Variants in FSTL1 observed in about 807,000 individuals in gnomAD.
FSTL1 encodes follistatin-related protein 1.
In FSTL1, 24 loss-of-function variants were observed where a neutral mutation model predicts 45.9. That is an observed-to-expected ratio of 0.52 (90% CI 0.38 to 0.74). The LOEUF is 0.74. Ranked by LOEUF, FSTL1 falls within the 30% of genes least tolerant of loss-of-function variation. The pLI is 0.00. For synonymous variants in FSTL1, 120 were observed against 137.6 expected (o/e 0.87, Z 0.89); for missense variants, 340 against 381.8 (o/e 0.89, Z 0.91).
intron 2 of FSTL1, among the ~76,000 whole-genome samples, chr3:120,446,994 A>G (rs963054036): frequency 2.0e-5 from 3 of 152,176 alleles, no homozygotes; most frequent in Non-Finnish European, 4.4e-5. Context: ...CTAGACCTGG[A>G]ATGCTGGGAA....
At chr3:120,412,036 GACACACACACACAC>G in intron 3 of FSTL1, 53 bp from the exon 4 acceptor site, 1 of 1,425,880 alleles carries the variant, frequency 7.0e-7, no homozygotes, top group Admixed American at 1.8e-5. Context: ...TCGACACACA[GACACACACACACAC>G]ATACATGCAC....
rs371073536 is a variant in FSTL1, at chr3:120,409,234, C to T, written c.462+298G>A. Reference sequence around the variant, plus strand: ...CAGCCAGATCCATAAGGTGTCATGGCGAGTAGGGGACAGAGCTTGGCCCTA... The same window carrying T: ...CAGCCAGATCCATAAGGTGTCATGGTGAGTAGGGGACAGAGCTTGGCCCTA... On this transcript the variant is annotated intron_variant, in intron 6 of 10. Transcript: ENST00000295633. Among the ~76,000 whole-genome samples, 14 of 152,276 alleles carry T rather than the reference C, an allele frequency of 9.2e-5. No individual in the cohort carries two copies. In the South Asian group the frequency reaches 1.2e-3, roughly 14 times the overall value.
chr3:120,408,754 GT>G (rs1368566242), intron 6 of FSTL1, among the ~76,000 whole-genome samples: 4 of 152,112 alleles, frequency 2.6e-5, no homozygotes, highest in Non-Finnish European at 4.4e-5. Flanking sequence ...TGTCTGGCAT[GT>G]TTTGAGTTTA....
chr3:120,446,074 G>C (rs1468833724), intron 2 of FSTL1, among the ~76,000 whole-genome samples: 1 of 138,540 alleles, frequency 7.2e-6, no homozygotes, highest in African/African-American at 3.5e-5. Context: ...GTATCATTAA[G>C]CTAATAAAAT....
intron 2 of FSTL1, among the ~76,000 whole-genome samples, chr3:120,443,078 A>G (rs1196960448): frequency 6.7e-6 from 1 of 148,226 alleles, no homozygotes; most frequent in Non-Finnish European, 1.5e-5. Context: ...ATGTACCCTA[A>G]AACTTAAAGT....
At chr3:120,431,696 A>T (rs1468677626) in intron 2 of FSTL1, among the ~76,000 whole-genome samples, 1 of 152,218 alleles carries the variant, frequency 6.6e-6, no homozygotes, top group East Asian at 1.9e-4. Context: ...AAATAAAAAT[A>T]GTTCTGAGTT....
At chr3:120,449,852 C>A (rs370599687) in intron 2 of FSTL1, among the ~76,000 whole-genome samples, 14 of 152,246 alleles carry the variant, frequency 9.2e-5, no homozygotes, top group African/African-American at 3.4e-4. Flanking sequence ...ATATTTCCTG[C>A]CATAATTATC....
chr3:120,396,024 C>A lies in FSTL1; in HGVS notation c.*928G>T. 7.9e-6 allele frequency: 2 copies of A among 252,312 alleles called. No homozygotes were observed. Among genetic ancestry groups the A allele is most frequent in the South Asian group, 4.6e-5 (1 of 21,706 alleles). The allele number at this position is 252,312 out of a possible 1,614,324, so 15.6% of individuals were successfully genotyped here. A position where few individuals can be genotyped will look rare whatever the true frequency, so the allele number is the denominator to read the frequency against. On this transcript the variant is annotated 3_prime_UTR_variant, in exon 11 of 11. Coordinates refer to ENST00000295633, the MANE Select transcript of FSTL1 (RefSeq NM_007085.5). Reference sequence around the variant, plus strand: ...CTTCCCCTGGCTTCGGTCTAAGGCACCCTTGCTCCTCTGGCAGATAGTGGA... The same window carrying A: ...CTTCCCCTGGCTTCGGTCTAAGGCAACCTTGCTCCTCTGGCAGATAGTGGA...
chr3:120,431,282 C>A (rs888187849), intron 2 of FSTL1, among the ~76,000 whole-genome samples: 2 of 151,996 alleles, frequency 1.3e-5, no homozygotes, highest in Non-Finnish European at 1.5e-5. Flanking sequence ...CTGGAAGGTA[C>A]CTTTTAAAAA....
chr3:120,447,997 A>C (rs1031456812), intron 2 of FSTL1, among the ~76,000 whole-genome samples: 4 of 152,202 alleles, frequency 2.6e-5, no homozygotes, highest in African/African-American at 7.2e-5. Flanking sequence ...ACCAAATGGG[A>C]TTGACATAGA....
intron 2 of FSTL1, among the ~76,000 whole-genome samples, chr3:120,417,855 T>C (rs1937213952): frequency 6.6e-6 from 1 of 152,200 alleles, no homozygotes; most frequent in South Asian, 2.1e-4. Context: ...CCTTAACTAG[T>C]AATTTTCATT....
At chr3:120,403,096 TG>T in intron 8 of FSTL1, 145 bp downstream of exon 8, 2 of 698,016 alleles carry the variant, frequency 2.9e-6, no homozygotes, top group African/African-American at 1.8e-5. Flanking sequence ...AACTTCACCA[TG>T]GGGAGAATGG....
rs1016497621 is a variant in FSTL1, at chr3:120,403,818, G to C, written c.582-464C>G. Among the ~76,000 whole-genome samples, 6 of 144,910 alleles carry C rather than the reference G, an allele frequency of 4.1e-5. No homozygotes were observed. The Admixed American group carries it at 4.3e-4, about 10-fold the overall frequency. Reference sequence around the variant, plus strand: ...ATCACCATTATCATCCTTCTAGAAAGAGATTTTCAGAAAAGCTTTTAGAAC... The same window carrying C: ...ATCACCATTATCATCCTTCTAGAAACAGATTTTCAGAAAAGCTTTTAGAAC... On this transcript the variant is annotated intron_variant, in intron 7 of 10. Transcript: ENST00000295633.
chr3:120,428,010 C>T lies in FSTL1; in HGVS notation c.64-11983G>A, dbSNP rs114299481. ...GTGGAAATGGGCTTATTATCTGAGG[C>T]CAGTGCTTTGCGTGAACTCTTCTGA... On this transcript the variant is annotated intron_variant, in intron 2 of 10. Transcript: ENST00000295633. Among the ~76,000 whole-genome samples the T allele has an allele frequency of 7.8e-3, 1,193 of 152,248 alleles. 19 individuals are homozygous for T. Among genetic ancestry groups the T allele is most frequent in the African/African-American group, 0.027 (1,124 of 41,542 alleles).
Position 120,411,851 on chromosome 3 carries a change from T to C in FSTL1, c.298+3A>G. 4 of 1,613,726 alleles carry C rather than the reference T, an allele frequency of 2.5e-6. No individual in the cohort carries two copies. The highest frequency in any genetic ancestry group is 3.4e-6 in the Non-Finnish European group (4 of 1,179,642). On this transcript the variant is annotated splice_donor_region_variant and intron_variant, in intron 4 of 10. Coordinates refer to ENST00000295633, the MANE Select transcript of FSTL1 (RefSeq NM_007085.5). ...GCCTTGCAGTGGTGAGAGCACACCT[T>C]ACCTTTGCAGTGTCCATCGTAATCA...
chr3:120,400,649 A>G (rs1011120289), intron 9 of FSTL1, among the ~76,000 whole-genome samples: 1 of 152,194 alleles, frequency 6.6e-6, no homozygotes, highest in African/African-American at 2.4e-5. Context: ...ATTGCTATCA[A>G]CCTTCCCTTC....
intron 2 of FSTL1, among the ~76,000 whole-genome samples, chr3:120,426,745 C>T (rs945774603): frequency 2.0e-5 from 3 of 152,226 alleles, no homozygotes; most frequent in African/African-American, 7.2e-5. Flanking sequence ...CCGACACTGT[C>T]ACCTACTGCC....
In FSTL1 at chr3:120,450,593, AGAG is replaced by A. The variant is rs913528225; in HGVS notation, c.63+88_63+90del. ...CCGAAACTCCCAGCGCCACCCCGGGAGAGCATCCCCAGGACGCGCGCCCACCCG... is the reference window on the plus strand; with the variant it reads ...CCGAAACTCCCAGCGCCACCCCGGGACATCCCCAGGACGCGCGCCCACCCG... On this transcript the variant is annotated intron_variant, in intron 2 of 10. Transcript: ENST00000295633. 3.8e-6 allele frequency: 3 copies of A among 785,548 alleles called. No individual in the cohort carries two copies. In the African/African-American group the frequency reaches 5.6e-5, roughly 15 times the overall value. 48.7% of individuals were successfully genotyped at this position (785,548 alleles called of 1,614,324 possible). A position where few individuals can be genotyped will look rare whatever the true frequency, so the allele number is the denominator to read the frequency against.
At chr3:120,432,828 T>C (rs1937502560) in intron 2 of FSTL1, among the ~76,000 whole-genome samples, 1 of 152,096 alleles carries the variant, frequency 6.6e-6, no homozygotes, top group African/African-American at 2.4e-5. Flanking sequence ...TAAGTGGAGG[T>C]GGTTGGCCCC....
Sources: gnomAD v4.1 joint callset for allele counts (sites outside exome capture counted in the v4.1 genomes callset) on GRCh38, gnomAD v4.1.1 for gene constraint, MANE v1.5 for transcripts, NCBI Gene and HGNC (gene_info 2026-07-23, HGNC 2026-07-21) for gene names.